Variants in ADAMTSL1 observed in about 807,000 individuals in gnomAD.
ADAMTSL1 encodes the protein ADAMTS-like protein 1.
A neutral mutation model predicts 201.8 loss-of-function variants in ADAMTSL1; 126 were observed. That is an observed-to-expected ratio of 0.62 (90% CI 0.54 to 0.72). The LOEUF is 0.72. Ranked by LOEUF, ADAMTSL1 falls within the 30% of genes least tolerant of loss-of-function variation. The probability of loss-of-function intolerance (pLI) is 0.00; values close to 1 mark genes in which losing one functional copy is unlikely to be tolerated. For missense variants in ADAMTSL1, 2,679 were observed against 2,277.8 expected (o/e 1.18, Z -3.59); for synonymous variants, 1,121 against 903.4 (o/e 1.24, Z -4.32).
chr9:17,986,625 A>G (rs1818940353), intron 1 of ADAMTSL1, among the ~76,000 whole-genome samples: 1 of 152,128 alleles, frequency 6.6e-6, no homozygotes, highest in Non-Finnish European at 1.5e-5. Context: ...AAGGGAATGC[A>G]TTTAAAATTA....
At chr9:18,143,016 C>G (rs1486693632) in intron 1 of ADAMTSL1, among the ~76,000 whole-genome samples, 6 of 152,150 alleles carry the variant, frequency 3.9e-5, no homozygotes, top group Non-Finnish European at 1.5e-5. Context: ...TCAGTAAATA[C>G]TGGGTGCAAT....
intron 3 of ADAMTSL1, among the ~76,000 whole-genome samples, chr9:18,556,395 G>A (rs552181286): frequency 3.3e-5 from 5 of 151,878 alleles, no homozygotes; most frequent in Non-Finnish European, 7.4e-5. Flanking sequence ...GTGATTAAGT[G>A]GAAAGCTTTA....
intron 20 of ADAMTSL1, among the ~76,000 whole-genome samples, chr9:18,807,601 G>A (rs1426778826): frequency 6.9e-6 from 1 of 145,712 alleles, no homozygotes; most frequent in Non-Finnish European, 1.5e-5. Context: ...AGCCGAGATC[G>A]CACCACTGCA....
chr9:18,681,769 G>T, intron 11 of ADAMTSL1, 43 bp from the exon 12 acceptor site: 1 of 1,458,918 alleles, frequency 6.9e-7, no homozygotes, highest in Non-Finnish European at 9.1e-7. Flanking sequence ...AAGTAAACAA[G>T]GCTTTGCCTA....
chr9:17,978,561 A>T (rs999925004), intron 1 of ADAMTSL1, among the ~76,000 whole-genome samples: 1 of 151,612 alleles, frequency 6.6e-6, no homozygotes, highest in East Asian at 1.9e-4. Context: ...GCTTATGAAA[A>T]CACTATACTT....
intron 2 of ADAMTSL1, among the ~76,000 whole-genome samples, chr9:18,192,351 G>T (rs997043184): frequency 3.9e-5 from 6 of 152,028 alleles, no homozygotes; most frequent in African/African-American, 1.4e-4. Flanking sequence ...TTATATTTCA[G>T]TTTCTTCAAA....
intron 1 of ADAMTSL1, among the ~76,000 whole-genome samples, chr9:18,116,609 A>G (rs1825260500): frequency 6.6e-6 from 1 of 152,222 alleles, no homozygotes. Flanking sequence ...CTAAATAAAG[A>G]CAGGGGTTGC....
chr9:18,761,768 A>G (rs1820083670), intron 16 of ADAMTSL1, among the ~76,000 whole-genome samples: 1 of 152,176 alleles, frequency 6.6e-6, no homozygotes, highest in South Asian at 2.1e-4. Flanking sequence ...ACAATTTTTT[A>G]AAATTTCTAA....
intron 16 of ADAMTSL1, among the ~76,000 whole-genome samples, chr9:18,753,870 T>G (rs545742682): frequency 9.8e-5 from 15 of 152,340 alleles, no homozygotes; most frequent in Admixed American, 2.6e-4. Flanking sequence ...CCTTTCTAGT[T>G]TTTTTGCTGT....
At chr9:18,244,932 T>C (rs544639173) in intron 2 of ADAMTSL1, among the ~76,000 whole-genome samples, 1 of 152,312 alleles carries the variant, frequency 6.6e-6, no homozygotes, top group African/African-American at 2.4e-5. Flanking sequence ...CCATAGATTA[T>C]TGTTTGATGG....
At chr9:18,666,240 G>T (rs1166491489) in intron 9 of ADAMTSL1, among the ~76,000 whole-genome samples, 1 of 152,148 alleles carries the variant, frequency 6.6e-6, no homozygotes, top group Non-Finnish European at 1.5e-5. Context: ...TTTCTGAAGT[G>T]ATAAAACACT....
chr9:18,347,963 A>G (rs578135951), intron 2 of ADAMTSL1, among the ~76,000 whole-genome samples: 2 of 152,318 alleles, frequency 1.3e-5, no homozygotes, highest in African/African-American at 4.8e-5. Context: ...TGAAAACTAC[A>G]AAGTTGAATT....
At chr9:18,386,246 G>C (rs1424647685) in intron 2 of ADAMTSL1, among the ~76,000 whole-genome samples, 1 of 152,062 alleles carries the variant, frequency 6.6e-6, no homozygotes, top group Non-Finnish European at 1.5e-5. Context: ...ATGATCACTG[G>C]TTTACCATTT....
chr9:18,725,512 A>C (rs1395097876), intron 15 of ADAMTSL1, among the ~76,000 whole-genome samples: 1 of 152,204 alleles, frequency 6.6e-6, no homozygotes, highest in Non-Finnish European at 1.5e-5. Flanking sequence ...CATATCATCC[A>C]CCCAGTCCTT....
At chr9:18,577,609 A>T (rs916280053) in intron 4 of ADAMTSL1, among the ~76,000 whole-genome samples, 2 of 152,210 alleles carry the variant, frequency 1.3e-5, no homozygotes, top group Non-Finnish European at 2.9e-5. Context: ...ATTGTCTCCT[A>T]GACCATAGTG....
chr9:17,951,244 A>G (rs1827716413), intron 1 of ADAMTSL1, among the ~76,000 whole-genome samples: 2 of 152,152 alleles, frequency 1.3e-5, no homozygotes, highest in African/African-American at 2.4e-5. Context: ...TGTGTGGCAG[A>G]TGGTAGTTTC....
At chr9:18,551,277 C>T (rs1164651893) in intron 3 of ADAMTSL1, among the ~76,000 whole-genome samples, 3 of 151,830 alleles carry the variant, frequency 2.0e-5, no homozygotes, top group Admixed American at 1.3e-4. Flanking sequence ...ACCCAACTTG[C>T]TCATAATATA....
At chr9:18,814,166 T>A (rs1823688394) in intron 20 of ADAMTSL1, among the ~76,000 whole-genome samples, 1 of 152,244 alleles carries the variant, frequency 6.6e-6, no homozygotes, top group Non-Finnish European at 1.5e-5. Context: ...TTGTCCTTCA[T>A]TCTGTTCATG....
At position 18,145,906 on chromosome 9, in the gene ADAMTSL1, G is replaced by A. The variant is rs528348411; in HGVS notation, c.88-17956G>A. On this transcript the variant is annotated intron_variant, in intron 1 of 29. Coordinates refer to the ADAMTSL1 transcript ENST00000680146. ...AAGAGCTCTTAAAACTCAACAATAA[G>A]AAAACAAACAGGCAAAAACTTGAAT... Among the ~76,000 whole-genome samples the A allele has an allele frequency of 8.1e-4, 123 of 152,086 alleles. 1 individual carries two copies. The highest frequency in any genetic ancestry group is 2.7e-3 in the African/African-American group (112 of 41,510).
Sources: gnomAD v4.1 joint callset for allele counts (sites outside exome capture counted in the v4.1 genomes callset) on GRCh38, gnomAD v4.1.1 for gene constraint, MANE v1.5 for transcripts, NCBI Gene and HGNC (gene_info 2026-07-23, HGNC 2026-07-21) for gene names.